Variants in ZRANB3 observed in about 807,000 individuals in gnomAD.
ZRANB3 encodes the protein zinc finger RANBP2-type containing 3.
ZRANB3 carries 125 observed loss-of-function variants against 133.8 expected under a neutral mutation model. That is an observed-to-expected ratio of 0.93 (90% CI 0.81 to 1.08). The LOEUF is 1.08. Ranked by LOEUF, ZRANB3 falls within the 50% of genes least tolerant of loss-of-function variation. The pLI, the probability that ZRANB3 is intolerant of heterozygous loss-of-function variation, is 0.00. For missense variants in ZRANB3, 1,229 were observed against 1,275.5 expected (o/e 0.96, Z 0.56); for synonymous variants, 387 against 432.7 (o/e 0.89, Z 1.31).
chr2:135,417,612 C>T lies in ZRANB3; in HGVS notation c.162-26792G>A, dbSNP rs546600463. On this transcript the variant is annotated intron_variant, in intron 2 of 20. Transcript: ENST00000264159. ...TTGACCCAGCCATCCCATTACTGGGCATATACCCAAAGGACTATAAATCAT... is the reference window on the plus strand; with the variant it reads ...TTGACCCAGCCATCCCATTACTGGGTATATACCCAAAGGACTATAAATCAT... 3.9e-5 allele frequency among the ~76,000 whole-genome samples: 6 copies of T among 152,210 alleles called. No individual in the cohort carries two copies. In the South Asian group the frequency reaches 8.3e-4, roughly 21 times the overall value.
intron 12 of ZRANB3, among the ~76,000 whole-genome samples, chr2:135,245,836 G>A (rs1695763183): frequency 7.3e-6 from 1 of 136,472 alleles, no homozygotes; most frequent in South Asian, 2.7e-4. Flanking sequence ...TGAGGCAGGA[G>A]AATCGCTTGA....
At chr2:135,449,543 C>A (rs1224405799) in intron 2 of ZRANB3, among the ~76,000 whole-genome samples, 1 of 152,116 alleles carries the variant, frequency 6.6e-6, no homozygotes, top group African/African-American at 2.4e-5. Flanking sequence ...TCACTTGAAT[C>A]CGGAAGGCAG....
intron 8 of ZRANB3, among the ~76,000 whole-genome samples, chr2:135,303,454 T>C (rs72982346): frequency 0.062 from 9,435 of 152,202 alleles, 571 homozygotes; most frequent in African/African-American, 0.16. Context: ...ATTGTCTTAG[T>C]ACCCGTTACT....
intron 1 of ZRANB3, among the ~76,000 whole-genome samples, chr2:135,529,232 A>G (rs1166951688): frequency 6.6e-6 from 1 of 152,236 alleles, no homozygotes; most frequent in Non-Finnish European, 1.5e-5. Flanking sequence ...AAAGAGTTTA[A>G]GAATAAAGGG....
At position 135,271,933 on chromosome 2, in the gene ZRANB3, T is replaced by A. The variant is rs760471456; in HGVS notation, c.1087-46A>T. The A allele has an allele frequency of 2.7e-5, 41 of 1,530,810 alleles. 1 individual carries two copies. Among genetic ancestry groups the A allele is most frequent in the Middle Eastern group, 3.8e-4 (2 of 5,316 alleles). 94.8% of individuals were successfully genotyped at this position (1,530,810 alleles called of 1,614,324 possible). A position where few individuals can be genotyped will look rare whatever the true frequency, so the allele number is the denominator to read the frequency against. ...GGCAAAATTAGGACAAGGCCCTATG[T>A]ACCCATCTCATTTTATATATTTTAC... On this transcript the variant is annotated intron_variant, in intron 9 of 20. Transcript: ENST00000264159.
rs1184608286 is a variant in ZRANB3, at chr2:135,199,896, G to C, written c.*446C>G. The C allele has an allele frequency of 5.4e-6, 1 of 186,136 alleles. No homozygotes were observed. Among genetic ancestry groups the C allele is most frequent in the Non-Finnish European group, 1.1e-5 (1 of 89,574 alleles). The allele number at this position is 186,136 out of a possible 1,614,324, so 11.5% of individuals were successfully genotyped here. A position where few individuals can be genotyped will look rare whatever the true frequency, so the allele number is the denominator to read the frequency against. On this transcript the variant is annotated 3_prime_UTR_variant, in exon 21 of 21. Transcript: ENST00000264159. Reference sequence around the variant, plus strand: ...AATCCTAAGCAGGCTGGTCATGCTTGGCCCAGAATTCCCAAATAATGATTT... The same window carrying C: ...AATCCTAAGCAGGCTGGTCATGCTTCGCCCAGAATTCCCAAATAATGATTT...
intron 12 of ZRANB3, among the ~76,000 whole-genome samples, chr2:135,240,025 C>G (rs1234096283): frequency 6.6e-6 from 1 of 151,486 alleles, no homozygotes; most frequent in Non-Finnish European, 1.5e-5. Flanking sequence ...GATTAATAGA[C>G]TGATGAAGTT....
chr2:135,340,849 C>T (rs1193564076), intron 6 of ZRANB3, among the ~76,000 whole-genome samples: 1 of 142,212 alleles, frequency 7.0e-6, no homozygotes, highest in African/African-American at 3.1e-5. Context: ...GAGTGAGATT[C>T]CGTCTCAAAA....
intron 8 of ZRANB3, among the ~76,000 whole-genome samples, chr2:135,291,364 G>T (rs773751633): frequency 2.0e-5 from 3 of 150,204 alleles, no homozygotes; most frequent in Non-Finnish European, 4.4e-5. Context: ...TGTATTTTTA[G>T]TAGATACGGG....
chr2:135,234,654 T>A (rs2105074063), intron 12 of ZRANB3, among the ~76,000 whole-genome samples: 1 of 152,238 alleles, frequency 6.6e-6, no homozygotes, highest in East Asian at 1.9e-4. Flanking sequence ...ACCGCATAAC[T>A]ACATGGAAAC....
chr2:135,293,409 T>C lies in ZRANB3; in HGVS notation c.967-17654A>G, dbSNP rs897124400. 3.9e-3 allele frequency among the ~76,000 whole-genome samples: 600 copies of C among 152,220 alleles called. 5 individuals are homozygous for C. The highest frequency in any genetic ancestry group is 0.014 in the African/African-American group (572 of 41,512). On this transcript the variant is annotated intron_variant, in intron 8 of 20. Coordinates refer to ENST00000264159, the MANE Select transcript of ZRANB3 (RefSeq NM_032143.4). Reference sequence around the variant, plus strand: ...TGGCTCTCTGTTTGTCTGTTATTGGTGTATAAGAATGCTTGTGATTTTTGC... The same window carrying C: ...TGGCTCTCTGTTTGTCTGTTATTGGCGTATAAGAATGCTTGTGATTTTTGC...
rs1434777373 is a variant in ZRANB3 at position 135,253,502 on chromosome 2, T to C, written c.1539+12032A>G. ...TCCGAGAAATGTATCTTTAGGTGAT[T>C]TTGCAGTTGTACCAACATCATAGAG... On this transcript the variant is annotated intron_variant, in intron 12 of 20. Transcript: ENST00000264159. Among the ~76,000 whole-genome samples, 3 of 152,148 alleles carry C rather than the reference T, an allele frequency of 2.0e-5. No homozygotes were observed. The East Asian group carries it at 5.8e-4, about 29-fold the overall frequency.
chr2:135,476,330 A>G (rs546473363), intron 2 of ZRANB3, among the ~76,000 whole-genome samples: 2 of 152,350 alleles, frequency 1.3e-5, no homozygotes, highest in East Asian at 3.9e-4. Context: ...TTTGTTAGAG[A>G]TTAAAATGAC....
chr2:135,478,770 G>C (rs1452929960), intron 2 of ZRANB3, among the ~76,000 whole-genome samples: 2 of 151,714 alleles, frequency 1.3e-5, no homozygotes, highest in Non-Finnish European at 2.9e-5. Context: ...GAATAAGGCT[G>C]CTATTCCTAA....
intron 1 of ZRANB3, chr2:135,530,572 A>T (rs1032838194): frequency 6.6e-6 from 1 of 152,220 alleles, no homozygotes; most frequent in African/African-American, 2.4e-5. Context: ...CAGGTTTGGG[A>T]CGTGTCCGCC....
intron 11 of ZRANB3, among the ~76,000 whole-genome samples, chr2:135,266,563 G>C (rs1231585132): frequency 6.6e-6 from 1 of 151,850 alleles, no homozygotes; most frequent in African/African-American, 2.4e-5. Context: ...TCAGGAGTTC[G>C]AGACCAGCCT....
chr2:135,208,407 A>G (rs956175358), intron 18 of ZRANB3, among the ~76,000 whole-genome samples: 1 of 152,252 alleles, frequency 6.6e-6, no homozygotes, highest in Non-Finnish European at 1.5e-5. Context: ...GATAGGATAC[A>G]AAACATGATA....
rs193261307 is a variant in ZRANB3 at position 135,309,251 on chromosome 2, G to A, written c.966+4238C>T. ...CTGCCTCGGCTTCCCAAAGTGCTGGGATTACAGGTGTGAGCCACCGCACCC... is the reference window on the plus strand; with the variant it reads ...CTGCCTCGGCTTCCCAAAGTGCTGGAATTACAGGTGTGAGCCACCGCACCC... On this transcript the variant is annotated intron_variant, in intron 8 of 20. Coordinates refer to ENST00000264159, the MANE Select transcript of ZRANB3 (RefSeq NM_032143.4). 3.4e-3 allele frequency among the ~76,000 whole-genome samples: 511 copies of A among 152,200 alleles called. 3 individuals are homozygous for A. Among genetic ancestry groups the A allele is most frequent in the African/African-American group, 8.3e-3 (345 of 41,524 alleles).
chr2:135,250,284 G>A (rs995231341), intron 12 of ZRANB3, among the ~76,000 whole-genome samples: 1 of 152,206 alleles, frequency 6.6e-6, no homozygotes, highest in East Asian at 1.9e-4. Context: ...TTTAAGAGGT[G>A]ACTTGGGTGC....
Sources: allele counts gnomAD v4.1 joint callset (sites outside exome capture counted in the v4.1 genomes callset), GRCh38; gene constraint gnomAD v4.1.1; transcripts MANE v1.5; gene names NCBI Gene and HGNC (gene_info 2026-07-23, HGNC 2026-07-21).